PPP1R35: variants seen among roughly 807,000 people sequenced by gnomAD.
PPP1R35 encodes UPF0683 protein C7orf47.
Under a neutral mutation model 22.2 loss-of-function variants are expected in PPP1R35, and 23 were observed. The ratio of observed to expected loss-of-function variants is 1.04; its 90% CI spans 0.75 to 1.47. The LOEUF is 1.47. Among genes scored for constraint, PPP1R35 ranks in the 40% most tolerant of loss-of-function variants. The probability of loss-of-function intolerance (pLI) is 0.00; values close to 1 mark genes in which losing one functional copy is unlikely to be tolerated. For synonymous variants in PPP1R35, 198 were observed against 165.7 expected (o/e 1.19, Z -1.50); for missense variants, 409 against 349.6 (o/e 1.17, Z -1.36).
Position 100,435,912 on chromosome 7 carries a change from G to C in PPP1R35, c.387C>G (p.Ala129=). ...AAGSHFDAAK[A]VEEQLRKSFQ... is the part of the protein sequence containing the mutation. Reference sequence around the variant, plus strand: ...ACGACTTTCTCAGCTGTTCCTCCACGGCCTTCGCAGCATCAAAGTGGCTCC... The same window carrying C: ...ACGACTTTCTCAGCTGTTCCTCCACCGCCTTCGCAGCATCAAAGTGGCTCC... Residue 129 remains alanine, a synonymous_variant, in exon 2 of 4, where the codon GCC becomes GCG. Coordinates refer to ENST00000292330, the MANE Select transcript of PPP1R35 (RefSeq NM_145030.4). 1 of 1,601,362 alleles carries C rather than the reference G, an allele frequency of 6.2e-7. No individual in the cohort carries two copies. The highest frequency in any genetic ancestry group is 8.5e-7 in the Non-Finnish European group (1 of 1,177,962).
Position 100,436,322 on chromosome 7 carries a change from GCTT to G in PPP1R35, c.50_52del (p.Glu17del). 1 of 1,392,410 alleles carries G rather than the reference GCTT, an allele frequency of 7.2e-7. No individual in the cohort carries two copies. The highest frequency in any genetic ancestry group is 1.5e-5 in the African/African-American group (1 of 67,262). The allele number at this position is 1,392,410 out of a possible 1,614,324, so 86.3% of individuals were successfully genotyped here. On this transcript the variant is annotated inframe_deletion, in exon 1 of 4. Transcript: ENST00000292330. Reference sequence around the variant, plus strand: ...CGGGGGTGGCCCCGGGACCGCCGCGGCTTCTTCCCCGTCCGCCGACTTCAGCTC... The same window carrying G: ...CGGGGGTGGCCCCGGGACCGCCGCGGCTTCCCCGTCCGCCGACTTCAGCTC...
intron 2 of PPP1R35, 34 bp from the exon 3 acceptor site, chr7:100,435,801 C>T: frequency 6.3e-7 from 1 of 1,583,172 alleles, no homozygotes; most frequent in East Asian, 2.3e-5. Context: ...GTGAGTGGCG[C>T]GCCTCACCCC....
Position 100,435,895 on chromosome 7 carries a change from C to T in PPP1R35, c.404G>A (p.Arg135Lys). The part of the protein sequence containing the change: ...DAAKAVEEQL[R>K]KSFQIRCGLE... ...GCCGCAGCGGATCTGGAACGACTTT[C>T]TCAGCTGTTCCTCCACGGCCTTCGC... The change falls in exon 2 of 4, where the codon AGA becomes AAA. Residue 135 changes from arginine (R) to lysine (K), a missense_variant. Transcript: ENST00000292330. The T allele has an allele frequency of 6.2e-7, 1 of 1,601,018 alleles. No individual in the cohort carries two copies. The highest frequency in any genetic ancestry group is 8.5e-7 in the Non-Finnish European group (1 of 1,177,822).
rs1307049852 is a variant in PPP1R35 at position 100,435,733 on chromosome 7, C to T, written c.486G>A (p.Arg162=). 2 of 1,601,874 alleles carry T rather than the reference C, an allele frequency of 1.2e-6. No homozygotes were observed. The highest frequency in any genetic ancestry group is 1.7e-6 in the Non-Finnish European group (2 of 1,177,166). Residue 162 remains arginine, a synonymous_variant, in exon 3 of 4, where the codon CGG becomes CGA. Transcript: ENST00000292330. ...CCGGCACCTGCAGGCTCACCAGGTC[C>T]CGGAAGAGCCGCTTGGAGCGCGGCA... The part of the protein sequence containing the change: ...LNVPRSKRLF[R]DLVSLQVPEE...
Position 100,435,495 on chromosome 7 carries a change from A to C in PPP1R35, c.627T>G (p.Cys209Trp). 6.2e-7 allele frequency: 1 copy of C among 1,614,034 alleles called. No homozygotes were observed. The highest frequency in any genetic ancestry group is 8.5e-7 in the Non-Finnish European group (1 of 1,179,996). ...PGPGPDMTIL[C>W]DPETLFYESP... Reference sequence around the variant, plus strand: ...ATTCATAAAATAGCGTTTCTGGGTCACACAAGATGGTCATGTCTGGCCCAG... The same window carrying C: ...ATTCATAAAATAGCGTTTCTGGGTCCCACAAGATGGTCATGTCTGGCCCAG... Residue 209 changes from cysteine (C) to tryptophan (W), a missense_variant, in exon 4 of 4, where the codon TGT (cysteine) becomes TGG (tryptophan). Transcript: ENST00000292330.
At position 100,435,426 on chromosome 7, in the gene PPP1R35, T is replaced by C; in HGVS notation, c.696A>G (p.Gln232=). The change falls in exon 4 of 4, where the codon CAA becomes CAG. Residue 232 remains glutamine (Q), a synonymous_variant. Coordinates refer to ENST00000292330, the MANE Select transcript of PPP1R35 (RefSeq NM_145030.4). The part of the protein sequence containing the change: ...TLDGLPPLRL[Q]LRPRPSEDTF... The stretch of plus-strand genomic sequence containing the variant: ...TGTCCTCTGAAGGGCGGGGCCGGAG[T>C]TGAAGTCGGAGAGGGGGCAGACCGT... 1 of 1,611,908 alleles carries C rather than the reference T, an allele frequency of 6.2e-7. No individual in the cohort carries two copies. Among genetic ancestry groups the C allele is most frequent in the African/African-American group, 1.3e-5 (1 of 74,698 alleles).
rs754939070 is a variant in PPP1R35, at chr7:100,435,908, C to A, written c.391G>T (p.Glu131Ter). 9 of 1,601,500 alleles carry A rather than the reference C, an allele frequency of 5.6e-6. No individual in the cohort carries two copies. Among genetic ancestry groups the A allele is most frequent in the Admixed American group, 1.7e-5 (1 of 59,364 alleles). ...GSHFDAAKAV[E>*]EQLRKSFQIR... Reference sequence around the variant, plus strand: ...TGGAACGACTTTCTCAGCTGTTCCTCCACGGCCTTCGCAGCATCAAAGTGG... The same window carrying A: ...TGGAACGACTTTCTCAGCTGTTCCTACACGGCCTTCGCAGCATCAAAGTGG... The change falls in exon 2 of 4, where the codon GAG (glutamate) becomes TAG (stop). Residue 131 changes from glutamate (E) to a stop codon, truncating the protein, a stop_gained. Transcript: ENST00000292330. LOFTEE classifies it high-confidence loss of function.
Position 100,436,452 on chromosome 7 carries a change from G to T in PPP1R35, c.-78C>A. ...GGTCAGGGGACACAGCCTGGCTGCC[G>T]CCTCCTTTCCCCCGCCCCTCCTAGA... On this transcript the variant is annotated 5_prime_UTR_variant, in exon 1 of 4. Coordinates refer to ENST00000292330, the MANE Select transcript of PPP1R35 (RefSeq NM_145030.4). The T allele has an allele frequency of 1.8e-6, 2 of 1,101,260 alleles. No individual in the cohort carries two copies. Among genetic ancestry groups the T allele is most frequent in the Non-Finnish European group, 2.5e-6 (2 of 810,524 alleles). 68.2% of individuals were successfully genotyped at this position (1,101,260 alleles called of 1,614,324 possible). A position where few individuals can be genotyped will look rare whatever the true frequency, so the allele number is the denominator to read the frequency against.
At position 100,435,860 on chromosome 7, in the gene PPP1R35, TCTC is replaced by T. The variant is rs768983019; in HGVS notation, c.436_438del (p.Glu146del). 2.3e-5 allele frequency: 37 copies of T among 1,591,866 alleles called. No individual in the cohort carries two copies. The African/African-American group carries it at 3.3e-4, about 14-fold the overall frequency. On this transcript the variant is annotated inframe_deletion, in exon 2 of 4. Coordinates refer to ENST00000292330, the MANE Select transcript of PPP1R35 (RefSeq NM_145030.4). ...CCGCCCCCCTCACCCTCGGACACGC[TCTC>T]CTCCAGGCCGCAGCGGATCTGGAAC...
Position 100,435,439 on chromosome 7 carries a change from G to T in PPP1R35, c.683C>A (p.Pro228His), listed in dbSNP as rs752926346. ...GCGGGGCCGGAGTTGAAGTCGGAGA[G>T]GGGGCAGACCGTCCAGGGTCAGGTG... ...SPHLTLDGLP[P>H]LRLQLRPRPS... Residue 228 changes from proline (P) to histidine (H), a missense_variant, in exon 4 of 4, where the codon CCT (proline) becomes CAT (histidine). Pro to His is a moderately conservative substitution (Grantham distance 77, BLOSUM62 -2). Coordinates refer to ENST00000292330, the MANE Select transcript of PPP1R35 (RefSeq NM_145030.4). The T allele has an allele frequency of 6.2e-7, 1 of 1,612,752 alleles. No homozygotes were observed. Among genetic ancestry groups the T allele is most frequent in the Non-Finnish European group, 8.5e-7 (1 of 1,179,700 alleles).
chr7:100,435,580 G>C, intron 3 of PPP1R35, 47 bp from the exon 4 acceptor site: 2 of 1,614,156 alleles, frequency 1.2e-6, no homozygotes, highest in East Asian at 4.5e-5. Flanking sequence ...TGGGAGGAAG[G>C]ATCCGGGTAA....
intron 2 of PPP1R35, 35 bp downstream of exon 2, chr7:100,435,813 A>C: frequency 2.5e-6 from 4 of 1,578,292 alleles, no homozygotes; most frequent in Non-Finnish European, 3.4e-6. Flanking sequence ...CCTCACCCCG[A>C]CTCCCGCACG....
At chr7:100,435,573 G>A (rs899169234) in intron 3 of PPP1R35, 40 bp from the exon 4 acceptor site, 4 of 1,614,076 alleles carry the variant, frequency 2.5e-6, no homozygotes, top group African/African-American at 2.7e-5. Context: ...TACACTTTGG[G>A]AGGAAGGATC....
chr7:100,435,615 G>C lies in PPP1R35; in HGVS notation c.588+16C>G. ...AGGGGGTACATGGAGGAAGCCCCAC[G>C]CCCAGACCCCATCACCTTTGGGTGC... On this transcript the variant is annotated intron_variant, in intron 3 of 3. Coordinates refer to ENST00000292330, the MANE Select transcript of PPP1R35 (RefSeq NM_145030.4). 6.2e-7 allele frequency: 1 copy of C among 1,613,654 alleles called. No individual in the cohort carries two copies. Among genetic ancestry groups the C allele is most frequent in the Middle Eastern group, 1.7e-4 (1 of 6,060 alleles).
rs1156286614 is a variant in PPP1R35, at chr7:100,436,221, T to A, written c.154A>T (p.Ser52Cys). 1 of 1,265,154 alleles carries A rather than the reference T, an allele frequency of 7.9e-7. No homozygotes were observed. Among genetic ancestry groups the A allele is most frequent in the Non-Finnish European group, 1.0e-6 (1 of 1,004,242 alleles). 78.4% of individuals were successfully genotyped at this position (1,265,154 alleles called of 1,614,324 possible). A position where few individuals can be genotyped will look rare whatever the true frequency, so the allele number is the denominator to read the frequency against. ...GGGCTGCCGTGCCGCGGCTGAGGGCTGTCGGGCCGCGGGCTCAGGCTCAAG... is the reference window on the plus strand; with the variant it reads ...GGGCTGCCGTGCCGCGGCTGAGGGCAGTCGGGCCGCGGGCTCAGGCTCAAG... Reference protein sequence around the residue: ...LDLSLSPRPDSPQPRHGSPGR... With the variant: ...LDLSLSPRPDCPQPRHGSPGR... The change falls in exon 1 of 4, where the codon AGC becomes TGC. Residue 52 changes from serine (S) to cysteine (C), a missense_variant. By Grantham distance (112) the Ser-to-Cys change is moderately radical (BLOSUM62 -1). Coordinates refer to ENST00000292330, the MANE Select transcript of PPP1R35 (RefSeq NM_145030.4).
rs1584330550 is a variant in PPP1R35 at position 100,435,616 on chromosome 7, C to A, written c.588+15G>T. 1 of 1,613,688 alleles carries A rather than the reference C, an allele frequency of 6.2e-7. No homozygotes were observed. Among genetic ancestry groups the A allele is most frequent in the East Asian group, 2.2e-5 (1 of 44,884 alleles). On this transcript the variant is annotated intron_variant, in intron 3 of 3. Coordinates refer to ENST00000292330, the MANE Select transcript of PPP1R35 (RefSeq NM_145030.4). ...GGGGGTACATGGAGGAAGCCCCACG[C>A]CCAGACCCCATCACCTTTGGGTGCG...
chr7:100,436,444 T>G lies in PPP1R35; in HGVS notation c.-70A>C, dbSNP rs1798898234. 6 of 1,181,956 alleles carry G rather than the reference T, an allele frequency of 5.1e-6. No individual in the cohort carries two copies. The highest frequency in any genetic ancestry group is 5.7e-6 in the Non-Finnish European group (5 of 877,496). The allele number at this position is 1,181,956 out of a possible 1,614,324, so 73.2% of individuals were successfully genotyped here. A position where few individuals can be genotyped will look rare whatever the true frequency, so the allele number is the denominator to read the frequency against. ...GCTCCAACGGTCAGGGGACACAGCC[T>G]GGCTGCCGCCTCCTTTCCCCCGCCC... is the stretch of plus-strand genomic sequence containing the variant. On this transcript the variant is annotated 5_prime_UTR_variant, in exon 1 of 4. Transcript: ENST00000292330.
At position 100,435,647 on chromosome 7, in the gene PPP1R35, C is replaced by T. The variant is rs201520825; in HGVS notation, c.572G>A (p.Arg191Gln). ...EKLALLPPQA[R>Q]APHPKEPPGP... ...CCCCATCACCTTTGGGTGCGGGGCT[C>T]GAGCCTGTGGCGGCAGGAGAGCCAA... The change falls in exon 3 of 4, where the codon CGA (arginine) becomes CAA (glutamine). Residue 191 changes from arginine (R) to glutamine (Q), a missense_variant. Arg to Gln is a conservative substitution (Grantham distance 43, BLOSUM62 1). Transcript: ENST00000292330. 3 of 1,594,376 alleles carry T rather than the reference C, an allele frequency of 1.9e-6. No individual in the cohort carries two copies. The highest frequency in any genetic ancestry group is 2.6e-6 in the Non-Finnish European group (3 of 1,174,192).
At position 100,436,095 on chromosome 7, in the gene PPP1R35, T is replaced by C. The variant is rs773706769; in HGVS notation, c.235-31A>G. On this transcript the variant is annotated intron_variant, in intron 1 of 3. Coordinates refer to ENST00000292330, the MANE Select transcript of PPP1R35 (RefSeq NM_145030.4). The stretch of plus-strand genomic sequence containing the variant: ...AGCAGAGGGCAGGGCAGTGACCAGG[T>C]GGGCGCGAGGCCGTCGCGGGCCGGG... The C allele has an allele frequency of 2.4e-5, 36 of 1,480,590 alleles. 1 individual carries two copies. The South Asian group carries it at 4.3e-4, about 17-fold the overall frequency. The allele number at this position is 1,480,590 out of a possible 1,614,324, so 91.7% of individuals were successfully genotyped here. A position where few individuals can be genotyped will look rare whatever the true frequency, so the allele number is the denominator to read the frequency against.
Sources: allele counts gnomAD v4.1 joint callset, GRCh38; gene constraint gnomAD v4.1.1; transcripts MANE v1.5; gene names NCBI Gene and HGNC (gene_info 2026-07-23, HGNC 2026-07-21).